Variants in DOCK4 observed in about 807,000 individuals in gnomAD.
DOCK4 encodes dedicator of cytokinesis protein 4.
A neutral mutation model predicts 268.1 loss-of-function variants in DOCK4; 97 were observed. The ratio of observed to expected loss-of-function variants is 0.36; its 90% CI spans 0.31 to 0.43. The LOEUF (loss-of-function observed/expected upper bound fraction) is 0.43, where lower values mean the gene tolerates loss of function less well. Ranked by LOEUF, DOCK4 falls within the 20% of genes least tolerant of loss-of-function variation. The pLI, the probability that DOCK4 is intolerant of heterozygous loss-of-function variation, is 1.00. For synonymous variants in DOCK4, 954 were observed against 887.2 expected (o/e 1.08, Z -1.34); for missense variants, 2,145 against 2,455.7 (o/e 0.87, Z 2.67).
intron 8 of DOCK4, among the ~76,000 whole-genome samples, chr7:111,976,298 T>C (rs1285613083): frequency 1.2e-5 from 1 of 86,490 alleles, no homozygotes; most frequent in Non-Finnish European, 2.6e-5. Context: ...TATATATATA[T>C]ATATATATAT....
chr7:111,907,480 G>A (rs529847743), intron 13 of DOCK4, among the ~76,000 whole-genome samples: 25 of 152,054 alleles, frequency 1.6e-4, no homozygotes, highest in Non-Finnish European at 2.9e-4. Flanking sequence ...AGTGGGGACC[G>A]TAAGCTTCAT....
intron 16 of DOCK4, among the ~76,000 whole-genome samples, chr7:111,878,601 C>T (rs1371739247): frequency 1.3e-5 from 2 of 152,120 alleles, no homozygotes; most frequent in African/African-American, 4.8e-5. Flanking sequence ...CCATCTCCCA[C>T]CCCTCCCCCA....
In DOCK4 at chr7:112,055,823, G is replaced by T. The variant is rs1586730556; in HGVS notation, c.38-51692C>A. On this transcript the variant is annotated intron_variant, in intron 1 of 52. Transcript: ENST00000428084. ...CTCAGAAGGCCAAGGCAGGAGAATTGCTTGAACCTGGGAGGCAGAGGCTGC... is the reference window on the plus strand; with the variant it reads ...CTCAGAAGGCCAAGGCAGGAGAATTTCTTGAACCTGGGAGGCAGAGGCTGC... Among the ~76,000 whole-genome samples the T allele has an allele frequency of 4.0e-5, 6 of 151,844 alleles. 2 individuals are homozygous for T. Among genetic ancestry groups the T allele is most frequent in the Admixed American group, 3.9e-4 (6 of 15,256 alleles).
intron 12 of DOCK4, among the ~76,000 whole-genome samples, chr7:111,929,004 G>A (rs1793969734): frequency 6.6e-6 from 1 of 152,180 alleles, no homozygotes; most frequent in African/African-American, 2.4e-5. Flanking sequence ...TAACTGTACT[G>A]TGGTTCTGTT....
intron 27 of DOCK4, among the ~76,000 whole-genome samples, chr7:111,813,463 A>G (rs1048648502): frequency 3.9e-5 from 6 of 152,132 alleles, no homozygotes; most frequent in African/African-American, 1.4e-4. Context: ...AACAAGGGTA[A>G]GTTGATGGTT....
At chr7:112,179,524 T>C (rs1164532739) in intron 1 of DOCK4, among the ~76,000 whole-genome samples, 2 of 128,998 alleles carry the variant, frequency 1.6e-5, no homozygotes, top group Non-Finnish European at 3.0e-5. Context: ...TGTTGTTTTT[T>C]TGTTTTTTTT....
intron 36 of DOCK4, among the ~76,000 whole-genome samples, chr7:111,775,795 G>A (rs1798405979): frequency 6.6e-6 from 1 of 152,196 alleles, no homozygotes; most frequent in African/African-American, 2.4e-5. Context: ...CCTTCTATCA[G>A]TTCTTTTCTT....
chr7:112,132,159 G>C (rs749767741), intron 1 of DOCK4, among the ~76,000 whole-genome samples: 9 of 152,056 alleles, frequency 5.9e-5, no homozygotes, highest in Admixed American at 1.3e-4. Context: ...ACTTTGATAG[G>C]ATCTCATAAA....
chr7:111,920,380 C>T (rs1406851417), intron 12 of DOCK4, among the ~76,000 whole-genome samples: 1 of 152,134 alleles, frequency 6.6e-6, no homozygotes, highest in East Asian at 1.9e-4. Flanking sequence ...CAAAACATCA[C>T]ATTGTATGCC....
At chr7:111,802,704 TATG>T (rs900334616) in intron 30 of DOCK4, among the ~76,000 whole-genome samples, 4 of 152,194 alleles carry the variant, frequency 2.6e-5, no homozygotes, top group Non-Finnish European at 5.9e-5. Flanking sequence ...CTCTTCCACT[TATG>T]ATATTTTACA....
intron 7 of DOCK4, among the ~76,000 whole-genome samples, chr7:111,983,842 A>ACG (rs1461860759): frequency 2.1e-5 from 2 of 93,296 alleles, no homozygotes; most frequent in Non-Finnish European, 4.2e-5. Flanking sequence ...ATGTACACAC[A>ACG]CACGCGCGCG....
chr7:111,864,117 T>G (rs1805777623), intron 22 of DOCK4, among the ~76,000 whole-genome samples: 1 of 152,212 alleles, frequency 6.6e-6, no homozygotes, highest in African/African-American at 2.4e-5. Flanking sequence ...CCCTTTAGTT[T>G]CATCATTTAG....
intron 44 of DOCK4, among the ~76,000 whole-genome samples, chr7:111,743,592 G>A (rs1213937578): frequency 6.6e-6 from 1 of 152,172 alleles, no homozygotes; most frequent in Non-Finnish European, 1.5e-5. Flanking sequence ...TTAAACACTA[G>A]CGTTGGGTGA....
intron 42 of DOCK4, among the ~76,000 whole-genome samples, chr7:111,751,971 G>C (rs1796687010): frequency 6.6e-6 from 1 of 152,108 alleles, no homozygotes; most frequent in African/African-American, 2.4e-5. Context: ...CATTGCCCAG[G>C]CTGGTCTAAA....
intron 1 of DOCK4, among the ~76,000 whole-genome samples, chr7:112,066,676 CATATATACATATACATATATAT>C (rs1299722179): frequency 1.3e-4 from 7 of 52,090 alleles, no homozygotes; most frequent in African/African-American, 4.9e-4. Context: ...TATACATATA[CATATATACATATACATATATAT>C]ATATATATAT....
At chr7:111,952,693 C>CA (rs971887307) in intron 8 of DOCK4, among the ~76,000 whole-genome samples, 5 of 151,942 alleles carry the variant, frequency 3.3e-5, no homozygotes, top group Admixed American at 6.6e-5. Flanking sequence ...AATCAATCCA[C>CA]AAAAAATTAC....
chr7:112,055,856 C>T (rs1194929719), intron 1 of DOCK4, among the ~76,000 whole-genome samples: 1 of 150,582 alleles, frequency 6.6e-6, no homozygotes, highest in East Asian at 2.0e-4. Flanking sequence ...TGCAGTGAGC[C>T]AAGATTATGC....
rs1562997182 is a variant in DOCK4 at position 112,018,170 on chromosome 7, A to AC, written c.38-14040_38-14039insG. Among the ~76,000 whole-genome samples the AC allele has an allele frequency of 2.7e-3, 378 of 142,160 alleles. 16 individuals carry two copies. Among genetic ancestry groups the AC allele is most frequent in the African/African-American group, 9.9e-3 (361 of 36,546 alleles). The allele number at this position is 142,160 out of a possible 152,430, so 93.3% of individuals were successfully genotyped here. Reference sequence around the variant, plus strand: ...AAAAAAAAAAAAAAAAAAAAAAAAAAAAAAAAAAAACACAGGCAACCAGTA... The same window carrying AC: ...AAAAAAAAAAAAAAAAAAAAAAAAAACAAAAAAAAAACACAGGCAACCAGTA... On this transcript the variant is annotated intron_variant, in intron 1 of 52. Coordinates refer to ENST00000428084, the MANE Select transcript of DOCK4 (RefSeq NM_001363540.2).
At chr7:111,862,711 T>C (rs955302748) in intron 23 of DOCK4, among the ~76,000 whole-genome samples, 7 of 151,916 alleles carry the variant, frequency 4.6e-5, no homozygotes, top group Non-Finnish European at 2.9e-5. Context: ...AGGCTGGTCT[T>C]GAACTCCTGA....
Sources: allele counts gnomAD v4.1 joint callset (sites outside exome capture counted in the v4.1 genomes callset), GRCh38; gene constraint gnomAD v4.1.1; transcripts MANE v1.5; gene names NCBI Gene and HGNC (gene_info 2026-07-23, HGNC 2026-07-21).